MACROD2: variants seen among roughly 807,000 people sequenced by gnomAD.
The protein encoded by MACROD2 is mono-ADP ribosylhydrolase 2.
In MACROD2, 36 loss-of-function variants were observed where a neutral mutation model predicts 70.4. The ratio of observed to expected loss-of-function variants is 0.51; its 90% CI spans 0.39 to 0.68. MACROD2 has a LOEUF of 0.68. Ranked by LOEUF, MACROD2 falls within the 30% of genes least tolerant of loss-of-function variation. MACROD2 has a pLI of 0.00. For missense variants in MACROD2, 496 were observed against 538.4 expected, an observed-to-expected ratio of 0.92 and a Z score of 0.78; for synonymous variants, 172 against 178.8, an observed-to-expected ratio of 0.96 and a Z score of 0.30.
At chr20:14,037,418 C>A (rs1470236547) in intron 2 of MACROD2, among the ~76,000 whole-genome samples, 1 of 152,012 alleles carries the variant, frequency 6.6e-6, no homozygotes, top group East Asian at 1.9e-4. Context: ...ATACCAATGT[C>A]CTATTCAGTA....
intron 6 of MACROD2, among the ~76,000 whole-genome samples, chr20:15,338,193 G>T (rs1354422772): frequency 6.6e-6 from 1 of 151,568 alleles, no homozygotes; most frequent in Admixed American, 6.6e-5. Flanking sequence ...CAATTAGACT[G>T]TAATATTACG....
At chr20:14,760,256 T>C (rs2071997557) in intron 5 of MACROD2, among the ~76,000 whole-genome samples, 1 of 152,028 alleles carries the variant, frequency 6.6e-6, no homozygotes, top group African/African-American at 2.4e-5. Context: ...AGATGGCAAG[T>C]TCTTTATTTC....
At chr20:15,928,352 T>G (rs1885016536) in intron 10 of MACROD2, among the ~76,000 whole-genome samples, 1 of 152,258 alleles carries the variant, frequency 6.6e-6, no homozygotes. Flanking sequence ...TCACTTGATA[T>G]GAGTGCCAGA....
At chr20:15,919,106 G>T (rs1342328738) in intron 10 of MACROD2, among the ~76,000 whole-genome samples, 6 of 152,112 alleles carry the variant, frequency 3.9e-5, no homozygotes, top group Admixed American at 1.3e-4. Flanking sequence ...GTGGAGAAAA[G>T]GCAGCTGGAA....
intron 8 of MACROD2, among the ~76,000 whole-genome samples, chr20:15,786,999 GTCTC>G (rs1330493558): frequency 3.9e-5 from 6 of 152,134 alleles, no homozygotes; most frequent in African/African-American, 1.4e-4. Context: ...TTGAGACAGA[GTCTC>G]ACTCTGTCGC....
At position 14,009,538 on chromosome 20, in the gene MACROD2, T is replaced by A. The variant is rs916762080; in HGVS notation, c.163+7134T>A. On this transcript the variant is annotated intron_variant, in intron 2 of 17. Coordinates refer to ENST00000684519, the MANE Select transcript of MACROD2 (RefSeq NM_001351661.2). The stretch of plus-strand genomic sequence containing the variant: ...GTGGGAATGTAAATTAGCTCAACCA[T>A]TGTGGAAGACAGTATGACAATGCCT... 4.6e-5 allele frequency among the ~76,000 whole-genome samples: 7 copies of A among 152,174 alleles called. No homozygotes were observed. In the East Asian group the frequency reaches 9.6e-4, roughly 21 times the overall value.
intron 5 of MACROD2, among the ~76,000 whole-genome samples, chr20:14,716,355 C>A (rs550198680): frequency 6.6e-6 from 1 of 152,172 alleles, no homozygotes; most frequent in Non-Finnish European, 1.5e-5. Context: ...CTTCCTTACT[C>A]TTGCACTGTG....
At chr20:14,688,937 C>G (rs1049011261) in intron 5 of MACROD2, among the ~76,000 whole-genome samples, 1 of 152,218 alleles carries the variant, frequency 6.6e-6, no homozygotes, top group Non-Finnish European at 1.5e-5. Context: ...ACTTCTAATA[C>G]TTTTCCTTCC....
At chr20:15,515,219 C>T (rs531427403) in intron 8 of MACROD2, among the ~76,000 whole-genome samples, 1 of 152,338 alleles carries the variant, frequency 6.6e-6, no homozygotes, top group East Asian at 1.9e-4. Flanking sequence ...AGAACTAGAG[C>T]TGAATAGTCA....
intron 3 of MACROD2, among the ~76,000 whole-genome samples, chr20:14,389,122 C>T (rs996701386): frequency 1.7e-4 from 26 of 152,028 alleles, no homozygotes; most frequent in African/African-American, 5.6e-4. Context: ...TCAGGTGATC[C>T]GCTCGCCTCG....
At chr20:14,379,049 A>G (rs924488901) in intron 3 of MACROD2, among the ~76,000 whole-genome samples, 4 of 152,196 alleles carry the variant, frequency 2.6e-5, no homozygotes, top group Admixed American at 1.3e-4. Flanking sequence ...AATGACTAGC[A>G]TTAGTGCTTC....
chr20:14,179,743 T>G (rs1263859595), intron 3 of MACROD2, among the ~76,000 whole-genome samples: 3 of 152,148 alleles, frequency 2.0e-5, no homozygotes, highest in Non-Finnish European at 4.4e-5. Context: ...TTTGAAGGAT[T>G]TATTGTTCTT....
At chr20:15,319,677 C>A (rs2146168513) in intron 6 of MACROD2, among the ~76,000 whole-genome samples, 1 of 152,254 alleles carries the variant, frequency 6.6e-6, no homozygotes, top group East Asian at 1.9e-4. Context: ...GGAACTCAAT[C>A]AATACATGTG....
chr20:14,668,429 G>C (rs1218940182), intron 4 of MACROD2, among the ~76,000 whole-genome samples: 1 of 152,090 alleles, frequency 6.6e-6, no homozygotes, highest in Non-Finnish European at 1.5e-5. Flanking sequence ...TGCAGGAGAA[G>C]GGCATCTTTG....
intron 3 of MACROD2, among the ~76,000 whole-genome samples, chr20:14,240,608 G>A (rs770673312): frequency 4.6e-5 from 7 of 152,128 alleles, no homozygotes; most frequent in Non-Finnish European, 7.4e-5. Context: ...CAAATACTGC[G>A]TGTTCTCACT....
chr20:13,999,887 A>T (rs994180555), intron 1 of MACROD2, among the ~76,000 whole-genome samples: 14 of 152,038 alleles, frequency 9.2e-5, no homozygotes, highest in Non-Finnish European at 2.9e-5. Context: ...CCCTTAGTGC[A>T]CCTGTAGTCC....
At chr20:15,674,647 TA>T (rs1288394525) in intron 8 of MACROD2, among the ~76,000 whole-genome samples, 1 of 151,990 alleles carries the variant, frequency 6.6e-6, no homozygotes, top group Non-Finnish European at 1.5e-5. Context: ...TGTGAACCCT[TA>T]ATGTCATTTT....
At chr20:15,528,162 G>A (rs1042180801) in intron 8 of MACROD2, among the ~76,000 whole-genome samples, 1 of 152,016 alleles carries the variant, frequency 6.6e-6, no homozygotes, top group Non-Finnish European at 1.5e-5. Context: ...TTGAGACAGA[G>A]TCTTGCTCTT....
At chr20:14,790,448 A>G (rs2072436506) in intron 5 of MACROD2, among the ~76,000 whole-genome samples, 1 of 151,396 alleles carries the variant, frequency 6.6e-6, no homozygotes, top group Non-Finnish European at 1.5e-5. Context: ...GATGATAACC[A>G]AGCTGGCCTG....
Sources: allele counts gnomAD v4.1 joint callset (sites outside exome capture counted in the v4.1 genomes callset), GRCh38; gene constraint gnomAD v4.1.1; transcripts MANE v1.5; gene names NCBI Gene and HGNC (gene_info 2026-07-23, HGNC 2026-07-21).